Variants in MACROD2 observed in about 807,000 individuals in gnomAD.
MACROD2 encodes the protein ADP-ribose glycohydrolase MACROD2.
Under a neutral mutation model 70.4 loss-of-function variants are expected in MACROD2, and 36 were observed. The ratio of observed to expected loss-of-function variants is 0.51; its 90% CI spans 0.39 to 0.68. MACROD2 has a LOEUF of 0.68. MACROD2 is among the 30% of genes least tolerant of loss of function. MACROD2 has a pLI of 0.00. For synonymous variants in MACROD2, 172 were observed against 178.8 expected, an observed-to-expected ratio of 0.96 and a Z score of 0.30; for missense variants, 496 against 538.4, an observed-to-expected ratio of 0.92 and a Z score of 0.78.
chr20:15,181,987 CTT>C (rs59065664), intron 5 of MACROD2, among the ~76,000 whole-genome samples: 4,213 of 150,498 alleles, frequency 0.028, 109 homozygotes, highest in Middle Eastern at 0.066. Context: ...AAAAAAAAAA[CTT>C]ATGACAAAAT....
At chr20:14,037,647 G>T (rs1186378215) in intron 2 of MACROD2, among the ~76,000 whole-genome samples, 1 of 152,118 alleles carries the variant, frequency 6.6e-6, no homozygotes, top group Non-Finnish European at 1.5e-5. Flanking sequence ...GTGTTGGTGG[G>T]GGGGGTAGTT....
At chr20:15,229,884 A>T (rs1016096658) in intron 5 of MACROD2, 56 bp from the exon 6 acceptor site, 4 of 1,529,714 alleles carry the variant, frequency 2.6e-6, no homozygotes, top group African/African-American at 2.8e-5. Context: ...TTAATTATGT[A>T]AAAAAAGTGA....
intron 5 of MACROD2, among the ~76,000 whole-genome samples, chr20:15,130,009 AC>A (rs2076093807): frequency 6.6e-6 from 1 of 151,996 alleles, no homozygotes; most frequent in Admixed American, 6.6e-5. Flanking sequence ...CTGGTCACCC[AC>A]CTCCAGTTTC....
intron 3 of MACROD2, among the ~76,000 whole-genome samples, chr20:14,391,415 A>G (rs1423417052): frequency 6.6e-6 from 1 of 152,172 alleles, no homozygotes; most frequent in African/African-American, 2.4e-5. Context: ...GTGGGAACTA[A>G]ATGATGAGAA....
At chr20:15,799,573 T>C (rs1244670327) in intron 8 of MACROD2, among the ~76,000 whole-genome samples, 1 of 152,258 alleles carries the variant, frequency 6.6e-6, no homozygotes, top group Non-Finnish European at 1.5e-5. Context: ...GCGATTTCAC[T>C]TAAAATAATG....
chr20:15,538,301 A>G (rs2047903984), intron 8 of MACROD2, among the ~76,000 whole-genome samples: 1 of 152,180 alleles, frequency 6.6e-6, no homozygotes. Flanking sequence ...AAATGAAAGG[A>G]AGGGGATAGA....
intron 5 of MACROD2, among the ~76,000 whole-genome samples, chr20:15,172,938 A>G (rs1345699207): frequency 6.6e-6 from 1 of 152,226 alleles, no homozygotes; most frequent in African/African-American, 2.4e-5. Flanking sequence ...CATGTTATGA[A>G]TAAGTTTGCC....
At chr20:15,808,725 C>T (rs759435517) in intron 8 of MACROD2, among the ~76,000 whole-genome samples, 1 of 152,036 alleles carries the variant, frequency 6.6e-6, no homozygotes, top group Non-Finnish European at 1.5e-5. Flanking sequence ...GTAAATAATA[C>T]TAATTTGTAA....
chr20:15,808,786 T>G (rs1388555492), intron 8 of MACROD2, among the ~76,000 whole-genome samples: 1 of 152,188 alleles, frequency 6.6e-6, no homozygotes. Flanking sequence ...TATTTTTTAA[T>G]CAATTAGGAG....
intron 8 of MACROD2, among the ~76,000 whole-genome samples, chr20:15,810,600 T>C (rs1378243585): frequency 2.0e-5 from 3 of 152,178 alleles, no homozygotes; most frequent in Non-Finnish European, 4.4e-5. Context: ...AAAGTTCATA[T>C]GGCACCAAAA....
intron 5 of MACROD2, among the ~76,000 whole-genome samples, chr20:15,206,277 C>T (rs1330270829): frequency 2.0e-5 from 3 of 151,964 alleles, no homozygotes; most frequent in Admixed American, 6.6e-5. Context: ...TGCAATGAAA[C>T]CTACATCTGA....
At chr20:14,675,012 C>G (rs937886140) in intron 4 of MACROD2, among the ~76,000 whole-genome samples, 40 of 152,108 alleles carry the variant, frequency 2.6e-4, no homozygotes, top group Admixed American at 2.6e-3. Flanking sequence ...ATTTCCCTTG[C>G]TAAAAACTGT....
chr20:15,182,808 CTATT>C (rs561950442), intron 5 of MACROD2, among the ~76,000 whole-genome samples: 238 of 152,270 alleles, frequency 1.6e-3, no homozygotes, highest in African/African-American at 5.5e-3. Flanking sequence ...TGGAGGTACT[CTATT>C]TAGGATGTGT....
intron 5 of MACROD2, among the ~76,000 whole-genome samples, chr20:14,869,304 T>C (rs1477144751): frequency 6.6e-6 from 1 of 152,172 alleles, no homozygotes; most frequent in Admixed American, 6.5e-5. Flanking sequence ...CGTTAGAGTT[T>C]CATCAGAGAA....
chr20:15,699,060 T>A (rs2050417286), intron 8 of MACROD2, among the ~76,000 whole-genome samples: 1 of 152,184 alleles, frequency 6.6e-6, no homozygotes, highest in Admixed American at 6.5e-5. Context: ...CTAATTAACC[T>A]CCAGGATTCT....
At chr20:14,732,343 C>G (rs1347233267) in intron 5 of MACROD2, among the ~76,000 whole-genome samples, 1 of 152,014 alleles carries the variant, frequency 6.6e-6, no homozygotes, top group Non-Finnish European at 1.5e-5. Flanking sequence ...TTTGTTTGGA[C>G]TTTCTTTGTG....
At chr20:14,659,613 G>T (rs1420070036) in intron 4 of MACROD2, among the ~76,000 whole-genome samples, 1 of 151,944 alleles carries the variant, frequency 6.6e-6, no homozygotes, top group Non-Finnish European at 1.5e-5. Context: ...CCCTCCTCAG[G>T]TTACAATGCT....
intron 6 of MACROD2, among the ~76,000 whole-genome samples, chr20:15,327,808 G>A (rs181992416): frequency 2.0e-5 from 3 of 151,974 alleles, no homozygotes; most frequent in African/African-American, 7.2e-5. Flanking sequence ...GGATGATTGG[G>A]TTATATATTC....
At chr20:14,409,165 T>C (rs1442582704) in intron 3 of MACROD2, among the ~76,000 whole-genome samples, 21 of 150,666 alleles carry the variant, frequency 1.4e-4, no homozygotes, top group African/African-American at 3.7e-4. Flanking sequence ...TTTTTTTTTT[T>C]CCAAACGTAT....
Sources: gnomAD v4.1 joint callset for allele counts (sites outside exome capture counted in the v4.1 genomes callset) on GRCh38, gnomAD v4.1.1 for gene constraint, MANE v1.5 for transcripts, NCBI Gene and HGNC (gene_info 2026-07-23, HGNC 2026-07-21) for gene names.